IL23R: variants seen among roughly 807,000 people sequenced by gnomAD.
IL23R encodes the protein interleukin 23 receptor.
In IL23R, 34 loss-of-function variants were observed where a neutral mutation model predicts 56.9. The ratio of observed to expected loss-of-function variants is 0.60; its 90% CI spans 0.45 to 0.80. The LOEUF (loss-of-function observed/expected upper bound fraction) is 0.80. Ranked by LOEUF, IL23R falls within the 30% of genes least tolerant of loss-of-function variation. The pLI, the probability that IL23R is intolerant of heterozygous loss-of-function variation, is 0.00. For missense variants in IL23R, 635 were observed against 730.0 expected, an observed-to-expected ratio of 0.87 and a Z score of 1.50; for synonymous variants, 230 against 249.2, an observed-to-expected ratio of 0.92 and a Z score of 0.73.
intron 4 of IL23R, among the ~76,000 whole-genome samples, chr1:67,198,248 C>CA (rs1203976843): frequency 9.2e-5 from 14 of 152,274 alleles, no homozygotes; most frequent in Middle Eastern, 3.4e-3. Flanking sequence ...GAAACAATAT[C>CA]AAATCTCTTC....
At chr1:67,212,042 A>G (rs1392644196) in intron 6 of IL23R, among the ~76,000 whole-genome samples, 2 of 152,180 alleles carry the variant, frequency 1.3e-5, no homozygotes, top group African/African-American at 4.8e-5. Flanking sequence ...CAGACTCTAC[A>G]TCACTTTAAA....
chr1:67,165,455 C>T (rs1258261376), upstream of IL23R, among the ~76,000 whole-genome samples: 2 of 152,190 alleles, frequency 1.3e-5, no homozygotes, highest in Admixed American at 6.5e-5. Context: ...CCAGCAATCC[C>T]TCTTCTGGAT....
intron 6 of IL23R, among the ~76,000 whole-genome samples, chr1:67,217,194 C>A (rs188489175): frequency 2.6e-5 from 4 of 152,172 alleles, no homozygotes; most frequent in Admixed American, 2.0e-4. Context: ...GACCCCTAAC[C>A]TTCAGAGTTG....
intron 1 of IL23R, among the ~76,000 whole-genome samples, chr1:67,157,036 T>C (rs760933871): frequency 3.3e-5 from 5 of 152,144 alleles, no homozygotes; most frequent in Non-Finnish European, 5.9e-5. Context: ...CCGCTTCACT[T>C]GGCTGGAGGA....
chr1:67,223,298 G>A (rs1367802256), intron 7 of IL23R, among the ~76,000 whole-genome samples: 1 of 152,052 alleles, frequency 6.6e-6, no homozygotes, highest in Non-Finnish European at 1.5e-5. Flanking sequence ...AAAGTCTTAA[G>A]CTTCAGGTAG....
At chr1:67,153,899 G>A (rs1646749921) in intron 1 of IL23R, among the ~76,000 whole-genome samples, 1 of 152,072 alleles carries the variant, frequency 6.6e-6, no homozygotes, top group South Asian at 2.1e-4. Flanking sequence ...CCGAGTAGCT[G>A]GGACTACAGG....
intron 9 of IL23R, among the ~76,000 whole-genome samples, chr1:67,244,428 GT>G (rs1223756034): frequency 6.6e-6 from 1 of 152,074 alleles, no homozygotes; most frequent in Non-Finnish European, 1.5e-5. Flanking sequence ...ATTCTTCTAG[GT>G]TTTTTATGGT....
intron 9 of IL23R, among the ~76,000 whole-genome samples, chr1:67,245,524 G>C (rs905158544): frequency 6.6e-6 from 1 of 152,180 alleles, no homozygotes; most frequent in Non-Finnish European, 1.5e-5. Context: ...ATGAAGGGCT[G>C]TTGAATTTTG....
chr1:67,171,453 T>C (rs1225055292), intron 3 of IL23R, among the ~76,000 whole-genome samples: 1 of 152,212 alleles, frequency 6.6e-6, no homozygotes, highest in East Asian at 1.9e-4. Flanking sequence ...TACTTAGTTT[T>C]GGCTCTACTA....
At chr1:67,251,023 G>A (rs1010217504) in intron 9 of IL23R, among the ~76,000 whole-genome samples, 3 of 152,012 alleles carry the variant, frequency 2.0e-5, no homozygotes, top group Non-Finnish European at 2.9e-5. Flanking sequence ...TTTTCCCAAG[G>A]AGTCCTAGGC....
intron 3 of IL23R, among the ~76,000 whole-genome samples, chr1:67,179,235 T>A (rs2102573562): frequency 6.6e-6 from 1 of 152,324 alleles, no homozygotes; most frequent in East Asian, 1.9e-4. Context: ...TGTCTGTGAA[T>A]CCATCTGGTC....
chr1:67,244,285 T>C (rs1213534428), intron 9 of IL23R, among the ~76,000 whole-genome samples: 1 of 152,234 alleles, frequency 6.6e-6, no homozygotes, highest in Non-Finnish European at 1.5e-5. Flanking sequence ...GATGATAGTT[T>C]CTTTTGCTGT....
intron 6 of IL23R, among the ~76,000 whole-genome samples, chr1:67,218,176 G>T (rs898479965): frequency 6.6e-6 from 1 of 151,826 alleles, no homozygotes; most frequent in Non-Finnish European, 1.5e-5. Flanking sequence ...GGGAAAAAAG[G>T]ATTTTTGTGT....
In IL23R at chr1:67,228,053, CTTTCTT is replaced by C. The variant is rs1558254195; in HGVS notation, c.955+8325_955+8330del. Among the ~76,000 whole-genome samples the C allele has an allele frequency of 1.9e-3, 198 of 103,214 alleles. 21 individuals are homozygous for C. The highest frequency in any genetic ancestry group is 6.6e-3 in the African/African-American group (159 of 24,134). The allele number at this position is 103,214 out of a possible 152,430, so 67.7% of individuals were successfully genotyped here. Reference sequence around the variant, plus strand: ...TTCTTTTCTTTCTTTCTCTTTCTTTCTTTCTTTCTCTGTCTCTCTCTTTCTTTCTTT... The same window carrying C: ...TTCTTTTCTTTCTTTCTCTTTCTTTCTCTCTGTCTCTCTCTTTCTTTCTTT... On this transcript the variant is annotated intron_variant, in intron 7 of 10. Transcript: ENST00000347310.
At chr1:67,221,075 C>A (rs1341589775) in intron 7 of IL23R, among the ~76,000 whole-genome samples, 4 of 152,240 alleles carry the variant, frequency 2.6e-5, no homozygotes, top group African/African-American at 7.2e-5. Context: ...AATCCCAGCA[C>A]TTTCAGAGGC....
chr1:67,168,234 T>C (rs1286225746), intron 2 of IL23R, 44 bp downstream of exon 2: 6 of 1,279,854 alleles, frequency 4.7e-6, no homozygotes, highest in Non-Finnish European at 6.9e-6. Flanking sequence ...ATTCAACAAA[T>C]GGAATATTGA....
chr1:67,207,037 A>G lies in IL23R; in HGVS notation c.780A>G (p.Thr260=), dbSNP rs1219798057. The change falls in exon 6 of 11, where the codon ACA becomes ACG. Residue 260 remains threonine (T), a synonymous_variant. Transcript: ENST00000347310. The part of the protein sequence containing the change: ...KVSCEMRYKA[T]TNQTWNVKEF... ...CCTGTGAAATGAGATACAAGGCTACAACAAACCAAACTTGGAATGTAAGCT... is the reference window on the plus strand; with the variant it reads ...CCTGTGAAATGAGATACAAGGCTACGACAAACCAAACTTGGAATGTAAGCT... The G allele has an allele frequency of 6.2e-7, 1 of 1,614,030 alleles. No homozygotes were observed. Among genetic ancestry groups the G allele is most frequent in the East Asian group, 2.2e-5 (1 of 44,872 alleles).
chr1:67,261,280 T>C (rs1345731259), downstream of IL23R, among the ~76,000 whole-genome samples: 4 of 151,862 alleles, frequency 2.6e-5, no homozygotes, highest in Non-Finnish European at 5.9e-5. Flanking sequence ...CAAGACTACT[T>C]AATGTCCAGC....
intron 7 of IL23R, among the ~76,000 whole-genome samples, chr1:67,222,114 T>C (rs866025666): frequency 1.1e-4 from 13 of 121,584 alleles, no homozygotes; most frequent in South Asian, 2.8e-4. Context: ...TTTTTTTTTT[T>C]TTTTTTTTTT....
Sources: allele counts gnomAD v4.1 joint callset (sites outside exome capture counted in the v4.1 genomes callset), GRCh38; gene constraint gnomAD v4.1.1; transcripts MANE v1.5; gene names NCBI Gene and HGNC (gene_info 2026-07-23, HGNC 2026-07-21).